Variants in FAM135B observed in about 807,000 individuals in gnomAD.
The protein encoded by FAM135B is protein FAM135B.
A neutral mutation model predicts 127.7 loss-of-function variants in FAM135B; 43 were observed. That is an observed-to-expected ratio of 0.34 (90% confidence interval 0.26 to 0.43). The LOEUF (loss-of-function observed/expected upper bound fraction) is 0.43. Ranked by LOEUF, FAM135B falls within the 20% of genes least tolerant of loss-of-function variation. The pLI, the probability that FAM135B is intolerant of heterozygous loss-of-function variation, is 1.00. For missense variants in FAM135B, 1,558 were observed against 1,725.6 expected, an observed-to-expected ratio of 0.90 and a Z score of 1.72; for synonymous variants, 670 against 665.1, an observed-to-expected ratio of 1.01 and a Z score of -0.11.
chr8:138,347,480 G>A (rs747924404), intron 2 of FAM135B, among the ~76,000 whole-genome samples: 2 of 152,192 alleles, frequency 1.3e-5, no homozygotes, highest in Non-Finnish European at 2.9e-5. Flanking sequence ...CATGAGCGTA[G>A]TGCATGGAAA....
intron 12 of FAM135B, among the ~76,000 whole-genome samples, chr8:138,162,516 T>C (rs889977302): frequency 6.6e-6 from 1 of 152,154 alleles, no homozygotes; most frequent in Non-Finnish European, 1.5e-5. Flanking sequence ...AGGTAGGAGA[T>C]GTTGATAATG....
At chr8:138,154,905 A>G (rs1164951403) in intron 12 of FAM135B, among the ~76,000 whole-genome samples, 9 of 152,188 alleles carry the variant, frequency 5.9e-5, no homozygotes, top group African/African-American at 1.2e-4. Context: ...CCCCAACCTA[A>G]CAAGGCAGGC....
intron 6 of FAM135B, among the ~76,000 whole-genome samples, chr8:138,244,028 G>C (rs1251446428): frequency 6.6e-6 from 1 of 152,104 alleles, no homozygotes; most frequent in East Asian, 1.9e-4. Flanking sequence ...ATTTGTGGAA[G>C]GGCTTAATCC....
intron 3 of FAM135B, among the ~76,000 whole-genome samples, chr8:138,291,234 A>C (rs1825088177): frequency 6.6e-6 from 1 of 152,220 alleles, no homozygotes; most frequent in African/African-American, 2.4e-5. Context: ...TCTTAGTGAA[A>C]GATTGGAACC....
chr8:138,491,089 C>T (rs534389074), intron 1 of FAM135B, among the ~76,000 whole-genome samples: 5 of 146,052 alleles, frequency 3.4e-5, no homozygotes, highest in Admixed American at 1.4e-4. Flanking sequence ...TGCAGTGAGC[C>T]GAGATCGTGC....
intron 1 of FAM135B, among the ~76,000 whole-genome samples, chr8:138,446,546 C>G (rs1362448409): frequency 6.6e-6 from 1 of 152,132 alleles, no homozygotes; most frequent in Non-Finnish European, 1.5e-5. Flanking sequence ...GAAAAACAAG[C>G]AATGGGGAAA....
rs771707332 is a variant in FAM135B at position 138,151,526 on chromosome 8, G to T, written c.2949C>A (p.Gly983=). The change falls in exon 13 of 20, where the codon GGC becomes GGA. Residue 983 remains glycine (G), a synonymous_variant. Transcript: ENST00000395297. ...NAFPEAKHKA[G]TVCPTVTHSV... ...AATGGGTCACAGTGGGGCACACAGT[G>T]CCTGCTTTATGTTTAGCCTCCGGGA... The T allele has an allele frequency of 6.2e-7, 1 of 1,614,212 alleles. No homozygotes were observed. The highest frequency in any genetic ancestry group is 8.5e-7 in the Non-Finnish European group (1 of 1,180,040).
intron 1 of FAM135B, among the ~76,000 whole-genome samples, chr8:138,492,571 A>C (rs1329435154): frequency 1.3e-5 from 2 of 151,820 alleles, no homozygotes; most frequent in East Asian, 3.9e-4. Flanking sequence ...TGGCTTGCAA[A>C]ACTCTCAAAC....
At chr8:138,423,328 A>T (rs1246895383) in intron 1 of FAM135B, among the ~76,000 whole-genome samples, 1 of 152,224 alleles carries the variant, frequency 6.6e-6, no homozygotes, top group Non-Finnish European at 1.5e-5. Flanking sequence ...GGGAAAATTC[A>T]GCCAGATATC....
intron 7 of FAM135B, among the ~76,000 whole-genome samples, chr8:138,205,223 C>T (rs1263534697): frequency 3.3e-5 from 5 of 152,172 alleles, no homozygotes; most frequent in Admixed American, 2.6e-4. Context: ...AGTACTCACA[C>T]CCATTTTGGA....
Position 138,141,600 on chromosome 8 carries a change from G to C in FAM135B, c.3639-251C>G, listed in dbSNP as rs1341838698. ...GGGAGAAGTGTGGGCATTTCAGCCA[G>C]CTTCATGCTGCTAGAGCAGCCTGCT... On this transcript the variant is annotated intron_variant, in intron 16 of 19. Transcript: ENST00000395297. The surrounding 1 kb of genome is among the most constrained non-coding windows in gnomAD (Gnocchi z 4.7). 6.6e-6 allele frequency among the ~76,000 whole-genome samples: 1 copy of C among 152,204 alleles called. No individual in the cohort carries two copies. Among genetic ancestry groups the C allele is most frequent in the Non-Finnish European group, 1.5e-5 (1 of 68,036 alleles).
At chr8:138,133,660 G>T (rs553220506) in intron 19 of FAM135B, among the ~76,000 whole-genome samples, 9 of 152,188 alleles carry the variant, frequency 5.9e-5, no homozygotes, top group Non-Finnish European at 1.2e-4. Flanking sequence ...AGCCAGTAGA[G>T]CAGTCACTTT....
chr8:138,155,133 C>A (rs1477865793), intron 12 of FAM135B, among the ~76,000 whole-genome samples: 1 of 152,164 alleles, frequency 6.6e-6, no homozygotes, highest in Non-Finnish European at 1.5e-5. Context: ...AGAGTGGGGA[C>A]CAATATTCAA....
chr8:138,430,266 G>A (rs1259859059), intron 1 of FAM135B, among the ~76,000 whole-genome samples: 1 of 152,074 alleles, frequency 6.6e-6, no homozygotes, highest in Non-Finnish European at 1.5e-5. Context: ...CTGATCACCT[G>A]TTATGTGCCA....
intron 1 of FAM135B, among the ~76,000 whole-genome samples, chr8:138,469,736 C>T (rs574424295): frequency 1.6e-4 from 24 of 152,254 alleles, no homozygotes; most frequent in African/African-American, 5.5e-4. Context: ...CATGCTAATG[C>T]TACCTAACTA....
At chr8:138,391,153 T>C (rs925007700) in intron 1 of FAM135B, among the ~76,000 whole-genome samples, 1 of 123,350 alleles carries the variant, frequency 8.1e-6, no homozygotes, top group Non-Finnish European at 1.6e-5. Context: ...AGCCCTGGAA[T>C]CCCTGTCCTC....
chr8:138,470,371 T>C (rs926613516), intron 1 of FAM135B, among the ~76,000 whole-genome samples: 3 of 152,238 alleles, frequency 2.0e-5, no homozygotes, highest in African/African-American at 7.2e-5. Context: ...ATTTATACAT[T>C]AAATAATATC....
chr8:138,404,177 ATAAC>A (rs1483122847), intron 1 of FAM135B, among the ~76,000 whole-genome samples: 9 of 152,180 alleles, frequency 5.9e-5, no homozygotes, highest in Admixed American at 2.0e-4. Context: ...AATAATAAAA[ATAAC>A]TATTCATGGA....
chr8:138,356,455 C>T (rs904344148), intron 2 of FAM135B, among the ~76,000 whole-genome samples: 13 of 152,036 alleles, frequency 8.6e-5, no homozygotes, highest in African/African-American at 3.1e-4. Flanking sequence ...TACAATATTC[C>T]TTGTAGAATT....
Sources: allele counts gnomAD v4.1 joint callset (sites outside exome capture counted in the v4.1 genomes callset), GRCh38; gene constraint gnomAD v4.1.1; non-coding constraint Gnocchi (gnomAD v3.1); transcripts MANE v1.5; gene names NCBI Gene and HGNC (gene_info 2026-07-23, HGNC 2026-07-21).